The following PDE7B variants were observed in gnomAD, a reference collection of about 807,000 sequenced individuals.
PDE7B encodes the protein phosphodiesterase 7B.
In PDE7B, 29 loss-of-function variants were observed where a neutral mutation model predicts 56.2. The observed-to-expected ratio is 0.52, with a 90% CI of 0.38 to 0.70. The LOEUF (loss-of-function observed/expected upper bound fraction) is 0.70. PDE7B is among the 30% of genes least tolerant of loss of function. The probability of loss-of-function intolerance (pLI) is 0.00; values close to 1 mark genes in which losing one functional copy is unlikely to be tolerated. For synonymous variants in PDE7B, 197 were observed against 196.9 expected, an observed-to-expected ratio of 1.00 and a Z score of 0.00; for missense variants, 490 against 565.0, an observed-to-expected ratio of 0.87 and a Z score of 1.35.
chr6:136,012,943 T>C (rs1215143999), intron 2 of PDE7B, among the ~76,000 whole-genome samples: 3 of 152,142 alleles, frequency 2.0e-5, no homozygotes, highest in African/African-American at 7.2e-5. Flanking sequence ...ATTCTACAGT[T>C]AGAAAAATGG....
intron 2 of PDE7B, among the ~76,000 whole-genome samples, chr6:136,051,752 A>G (rs927803784): frequency 6.6e-6 from 1 of 152,160 alleles, no homozygotes; most frequent in Non-Finnish European, 1.5e-5. Context: ...ATGCTAAAAG[A>G]TTTCTTACCA....
intron 2 of PDE7B, among the ~76,000 whole-genome samples, chr6:136,056,732 A>G (rs948911501): frequency 5.9e-5 from 9 of 151,638 alleles, no homozygotes; most frequent in Middle Eastern, 3.2e-3. Flanking sequence ...GGGTTTTGCC[A>G]TGTTGGCCAG....
intron 1 of PDE7B, among the ~76,000 whole-genome samples, chr6:135,884,204 C>T (rs1775662010): frequency 6.6e-6 from 1 of 152,028 alleles, no homozygotes; most frequent in South Asian, 2.1e-4. Flanking sequence ...TCATATTTTG[C>T]TTAAATAATG....
chr6:136,031,111 T>G (rs1319079271), intron 2 of PDE7B, among the ~76,000 whole-genome samples: 1 of 152,234 alleles, frequency 6.6e-6, no homozygotes, highest in Admixed American at 6.5e-5. Flanking sequence ...AGCATGATTG[T>G]TTTTAGAAGT....
At chr6:136,064,157 G>T (rs1297632696) in intron 2 of PDE7B, among the ~76,000 whole-genome samples, 2 of 152,096 alleles carry the variant, frequency 1.3e-5, no homozygotes, top group African/African-American at 4.8e-5. Context: ...GCGTGCAATG[G>T]AAGACTATTA....
At chr6:136,131,451 G>A (rs1778114945) in intron 3 of PDE7B, among the ~76,000 whole-genome samples, 1 of 150,756 alleles carries the variant, frequency 6.6e-6, no homozygotes, top group Admixed American at 6.6e-5. Flanking sequence ...GGCTCCAAAG[G>A]GTTAAACACA....
chr6:136,157,052 C>A (rs1778620653), intron 8 of PDE7B, among the ~76,000 whole-genome samples: 1 of 152,098 alleles, frequency 6.6e-6, no homozygotes, highest in South Asian at 2.1e-4. Context: ...TATTATCATA[C>A]CTATTTTCCA....
intron 1 of PDE7B, among the ~76,000 whole-genome samples, chr6:135,856,130 T>C (rs1295101583): frequency 2.6e-5 from 4 of 152,122 alleles, no homozygotes. Context: ...TTTACACAAT[T>C]TTACCTCCAA....
At chr6:135,975,786 C>T (rs965918813) in intron 2 of PDE7B, among the ~76,000 whole-genome samples, 1 of 137,600 alleles carries the variant, frequency 7.3e-6, no homozygotes, top group Admixed American at 7.6e-5. Flanking sequence ...GATATACTCA[C>T]TCCCCCAATG....
At chr6:135,970,443 T>C (rs1047531136) in intron 2 of PDE7B, among the ~76,000 whole-genome samples, 1 of 111,590 alleles carries the variant, frequency 9.0e-6, no homozygotes, top group Non-Finnish European at 1.8e-5. Flanking sequence ...CAAAATTATG[T>C]GGGGTCTAGG....
At chr6:135,974,774 G>A (rs961078187) in intron 2 of PDE7B, among the ~76,000 whole-genome samples, 1 of 152,186 alleles carries the variant, frequency 6.6e-6, no homozygotes, top group Non-Finnish European at 1.5e-5. Context: ...TCATGATCTT[G>A]CAAATCTGGA....
chr6:135,934,274 T>C (rs1001908336), intron 1 of PDE7B, among the ~76,000 whole-genome samples: 5 of 152,172 alleles, frequency 3.3e-5, no homozygotes, highest in Non-Finnish European at 7.4e-5. Flanking sequence ...TGAAACACTT[T>C]GGTAGTTTAA....
intron 1 of PDE7B, among the ~76,000 whole-genome samples, chr6:135,915,359 C>G (rs1430955190): frequency 6.6e-6 from 1 of 152,106 alleles, no homozygotes; most frequent in African/African-American, 2.4e-5. Flanking sequence ...ATAAAACTGC[C>G]AAATTGTTTT....
At chr6:136,168,405 G>A (rs1425851471) in intron 8 of PDE7B, among the ~76,000 whole-genome samples, 2 of 152,098 alleles carry the variant, frequency 1.3e-5, no homozygotes, top group Non-Finnish European at 2.9e-5. Flanking sequence ...TCATACCAGA[G>A]GCCAGCAAGC....
chr6:136,181,174 T>G, intron 10 of PDE7B, 53 bp from the exon 11 acceptor site: 5 of 1,343,396 alleles, frequency 3.7e-6, no homozygotes, highest in Non-Finnish European at 5.4e-6. Flanking sequence ...GGGGTGCTTT[T>G]GCAACTGAAA....
chr6:136,121,798 A>G (rs1777938089), intron 3 of PDE7B, among the ~76,000 whole-genome samples: 1 of 152,192 alleles, frequency 6.6e-6, no homozygotes, highest in Non-Finnish European at 1.5e-5. Context: ...TGCATTCAAA[A>G]AAAGACCAGG....
chr6:136,037,695 T>G (rs9389365), intron 2 of PDE7B: 280,637 of 985,160 alleles, frequency 0.28, 40,849 homozygotes, highest in East Asian at 0.54. Flanking sequence ...TCCAGATAAC[T>G]GGCCTCCAGC....
chr6:135,893,328 TG>T (rs1157928056), intron 1 of PDE7B, among the ~76,000 whole-genome samples: 1 of 151,478 alleles, frequency 6.6e-6, no homozygotes, highest in Non-Finnish European at 1.5e-5. Flanking sequence ...GTTTGTTTTT[TG>T]TTCCTTGAGA....
intron 2 of PDE7B, chr6:135,993,036 A>G (rs1465957822): frequency 6.6e-6 from 1 of 152,190 alleles, no homozygotes; most frequent in Non-Finnish European, 1.5e-5. Flanking sequence ...AAATGCTCCT[A>G]TCATCACGCC....
Sources: allele counts gnomAD v4.1 joint callset (sites outside exome capture counted in the v4.1 genomes callset), GRCh38; gene constraint gnomAD v4.1.1; transcripts MANE v1.5; gene names NCBI Gene and HGNC (gene_info 2026-07-23, HGNC 2026-07-21).